GPC6: variants seen among roughly 807,000 people sequenced by gnomAD.
The protein encoded by GPC6 is glypican 6.
In GPC6, 14 loss-of-function variants were observed where a neutral mutation model predicts 55.2. The observed-to-expected ratio is 0.25, with a 90% CI of 0.17 to 0.40. The LOEUF is 0.40. Among genes scored for constraint, GPC6 ranks in the 10% least tolerant of loss-of-function variants. GPC6 has a pLI of 1.00. For synonymous variants in GPC6, 278 were observed against 259.6 expected, an observed-to-expected ratio of 1.07 and a Z score of -0.68; for missense variants, 641 against 708.5, an observed-to-expected ratio of 0.90 and a Z score of 1.08.
chr13:93,719,874 A>C (rs1883390733), intron 2 of GPC6, among the ~76,000 whole-genome samples: 1 of 151,900 alleles, frequency 6.6e-6, no homozygotes, highest in East Asian at 1.9e-4. Context: ...TGTTTATGTG[A>C]TGGATTACAT....
chr13:93,690,394 G>A (rs1304468228), intron 2 of GPC6, among the ~76,000 whole-genome samples: 1 of 151,948 alleles, frequency 6.6e-6, no homozygotes, highest in Non-Finnish European at 1.5e-5. Flanking sequence ...CAGCTCCCTG[G>A]CAGCTGAGAT....
At chr13:93,404,735 T>C (rs533953553) in intron 1 of GPC6, among the ~76,000 whole-genome samples, 1 of 152,296 alleles carries the variant, frequency 6.6e-6, no homozygotes, top group Non-Finnish European at 1.5e-5. Context: ...TCCTATTCCC[T>C]ATAAAACTTT....
chr13:93,357,885 C>A (rs1164266408), intron 1 of GPC6, among the ~76,000 whole-genome samples: 2 of 152,074 alleles, frequency 1.3e-5, no homozygotes, highest in Non-Finnish European at 2.9e-5. Context: ...ATATGGACTA[C>A]TGTATGTTGG....
intron 4 of GPC6, among the ~76,000 whole-genome samples, chr13:94,037,539 A>G (rs1437642189): frequency 1.3e-5 from 2 of 152,088 alleles, no homozygotes; most frequent in Middle Eastern, 3.4e-3. Flanking sequence ...CTTACTTTAT[A>G]CCAGACAATA....
intron 1 of GPC6, among the ~76,000 whole-genome samples, chr13:93,251,318 G>T (rs1876779336): frequency 6.6e-6 from 1 of 152,088 alleles, no homozygotes; most frequent in African/African-American, 2.4e-5. Context: ...AGAGACTTCT[G>T]CCTACTAAAG....
intron 1 of GPC6, among the ~76,000 whole-genome samples, chr13:93,288,503 C>T (rs1016997632): frequency 3.3e-5 from 5 of 151,718 alleles, no homozygotes; most frequent in Non-Finnish European, 7.4e-5. Flanking sequence ...TCTAAGGGTC[C>T]TTTGATGATG....
At chr13:93,932,841 A>T (rs1878243805) in intron 3 of GPC6, among the ~76,000 whole-genome samples, 1 of 152,148 alleles carries the variant, frequency 6.6e-6, no homozygotes, top group African/African-American at 2.4e-5. Flanking sequence ...GTAACAAATG[A>T]CCATAAACTT....
intron 1 of GPC6, among the ~76,000 whole-genome samples, chr13:93,350,818 A>G (rs1456675631): frequency 6.6e-6 from 1 of 152,162 alleles, no homozygotes; most frequent in African/African-American, 2.4e-5. Context: ...TGTCTATCAG[A>G]TTGATGTTGG....
intron 1 of GPC6, among the ~76,000 whole-genome samples, chr13:93,229,749 T>C (rs1240085764): frequency 1.3e-5 from 2 of 152,062 alleles, no homozygotes; most frequent in Non-Finnish European, 2.9e-5. Context: ...TTTCCATGAG[T>C]AAGGGCATAC....
chr13:93,900,206 T>G (rs1876269703), intron 3 of GPC6, among the ~76,000 whole-genome samples: 1 of 152,134 alleles, frequency 6.6e-6, no homozygotes, highest in South Asian at 2.1e-4. Context: ...AAATTATTAA[T>G]CCATTAACTC....
intron 4 of GPC6, among the ~76,000 whole-genome samples, chr13:94,278,063 C>T (rs148863418): frequency 0.018 from 2,754 of 152,250 alleles, 96 homozygotes; most frequent in African/African-American, 0.063. Flanking sequence ...TCTTCCTATC[C>T]ATGAGGATGG....
At chr13:93,447,619 TA>T (rs1431997532) in intron 1 of GPC6, among the ~76,000 whole-genome samples, 36 of 152,308 alleles carry the variant, frequency 2.4e-4, no homozygotes, top group African/African-American at 7.7e-4. Context: ...AACTCAAACT[TA>T]AAATGATCAT....
intron 2 of GPC6, among the ~76,000 whole-genome samples, chr13:93,571,931 G>T (rs1054609649): frequency 2.6e-5 from 4 of 151,538 alleles, no homozygotes; most frequent in African/African-American, 9.8e-5. Flanking sequence ...TTCAAAAAAT[G>T]ATTTCATATT....
intron 3 of GPC6, among the ~76,000 whole-genome samples, chr13:93,947,373 A>G (rs375692118): frequency 6.6e-6 from 1 of 152,226 alleles, no homozygotes; most frequent in African/African-American, 2.4e-5. Context: ...CAAACCATCC[A>G]TCGGAAAAAA....
intron 2 of GPC6, among the ~76,000 whole-genome samples, chr13:93,560,273 C>T (rs1371296985): frequency 6.7e-6 from 1 of 149,800 alleles, no homozygotes; most frequent in Non-Finnish European, 1.5e-5. Flanking sequence ...TTTGGGAGGC[C>T]AAGGTAGGTG....
chr13:94,126,147 A>G (rs537273594), intron 4 of GPC6, among the ~76,000 whole-genome samples: 5 of 152,256 alleles, frequency 3.3e-5, no homozygotes, highest in South Asian at 2.1e-4. Context: ...GGAGAGGCAG[A>G]GGCAGGAGGA....
intron 1 of GPC6, among the ~76,000 whole-genome samples, chr13:93,317,615 A>G (rs1339855111): frequency 2.0e-5 from 3 of 152,154 alleles, no homozygotes; most frequent in Non-Finnish European, 4.4e-5. Flanking sequence ...GTCTGAAGGA[A>G]GGGAAAGGCC....
intron 1 of GPC6, among the ~76,000 whole-genome samples, chr13:93,323,569 C>T (rs981223031): frequency 3.9e-5 from 6 of 152,110 alleles, no homozygotes; most frequent in South Asian, 2.1e-4. Context: ...TAGCAAGTTC[C>T]GCCTCCTCAA....
At chr13:93,590,097 T>C (rs1010554574) in intron 2 of GPC6, among the ~76,000 whole-genome samples, 2 of 152,206 alleles carry the variant, frequency 1.3e-5, no homozygotes, top group Admixed American at 6.5e-5. Context: ...TATTGTGTTG[T>C]AGTTTTTTGG....
Sources: gnomAD v4.1 joint callset for allele counts (sites outside exome capture counted in the v4.1 genomes callset) on GRCh38, gnomAD v4.1.1 for gene constraint, MANE v1.5 for transcripts, NCBI Gene and HGNC (gene_info 2026-07-23, HGNC 2026-07-21) for gene names.